The following CACNA1C variants were observed in gnomAD, a reference collection of about 807,000 sequenced individuals.
CACNA1C encodes the protein calcium voltage-gated channel subunit alpha1 C, also known as voltage-dependent L-type calcium channel subunit alpha-1C.
In CACNA1C, 30 loss-of-function variants were observed where a neutral mutation model predicts 229.0. That is an observed-to-expected ratio of 0.13 (90% CI 0.10 to 0.18). The LOEUF (loss-of-function observed/expected upper bound fraction) is 0.18, where lower values mean the gene tolerates loss of function less well. CACNA1C is among the 10% of genes least tolerant of loss of function. The pLI is 1.00. For synonymous variants in CACNA1C, 1,114 were observed against 1,132.5 expected (o/e 0.98, Z 0.33); for missense variants, 1,658 against 2,845.0 (o/e 0.58, Z 9.49).
chr12:2,227,544 C>T (rs191383108), intron 3 of CACNA1C, among the ~76,000 whole-genome samples: 3 of 152,244 alleles, frequency 2.0e-5, no homozygotes, highest in Admixed American at 1.3e-4. Context: ...ATGTCAGTTC[C>T]GTTTTTCTGT....
At position 2,137,967 on chromosome 12, in the gene CACNA1C, C is replaced by T. The variant is rs553190503; in HGVS notation, c.477+17537C>T. ...CAGGCGCCCCTGCCGGGAGCTCATG[C>T]GGGCCACTCCCTGTTTTCTCACTGG... is the stretch of plus-strand genomic sequence containing the variant. On this transcript the variant is annotated intron_variant, in intron 3 of 46. Coordinates refer to ENST00000399655, the MANE Select transcript of CACNA1C (RefSeq NM_000719.7). Among the ~76,000 whole-genome samples the T allele has an allele frequency of 3.3e-4, 50 of 151,578 alleles. 2 individuals carry two copies. The highest frequency in any genetic ancestry group is 1.1e-3 in the African/African-American group (47 of 41,526).
chr12:2,551,677 C>T (rs1034935), intron 10 of CACNA1C, among the ~76,000 whole-genome samples: 148,463 of 152,242 alleles, frequency 0.98, 72,493 homozygotes, highest in Middle Eastern at 1. Flanking sequence ...TTAAAAGTCT[C>T]ATGTAATGAG....
chr12:2,539,180 G>C (rs1036400896), intron 9 of CACNA1C, among the ~76,000 whole-genome samples: 3 of 152,210 alleles, frequency 2.0e-5, no homozygotes, highest in Admixed American at 6.5e-5. Context: ...CATGGAAACA[G>C]TAGGTACTCT....
At position 2,585,170 on chromosome 12, in the gene CACNA1C, G is replaced by T. The variant is rs571449911; in HGVS notation, c.2340-206G>T. Among the ~76,000 whole-genome samples the T allele has an allele frequency of 6.6e-6, 1 of 152,176 alleles. No homozygotes were observed. Among genetic ancestry groups the T allele is most frequent in the African/African-American group, 2.4e-5 (1 of 41,440 alleles). On this transcript the variant is annotated intron_variant, in intron 16 of 46. Transcript: ENST00000399655. This position sits in a 1 kb window ranked among gnomAD's most constrained non-coding sequence, Gnocchi z 4.1. ...TCTGGAGCTGCAAGAGGCCAATTGCGTGTCAGGCAGAGCAGGTGTAGCTCA... is the reference window on the plus strand; with the variant it reads ...TCTGGAGCTGCAAGAGGCCAATTGCTTGTCAGGCAGAGCAGGTGTAGCTCA...
At chr12:2,269,578 A>G (rs1158254353) in intron 3 of CACNA1C, among the ~76,000 whole-genome samples, 2 of 152,248 alleles carry the variant, frequency 1.3e-5, no homozygotes, top group Non-Finnish European at 2.9e-5. Flanking sequence ...CATGGAAGCC[A>G]GGAACCAGCT....
intron 3 of CACNA1C, among the ~76,000 whole-genome samples, chr12:2,339,606 A>G (rs1356682182): frequency 1.3e-5 from 2 of 152,194 alleles, no homozygotes; most frequent in Admixed American, 6.5e-5. Context: ...TATGTGATGT[A>G]TTCTATTAAA....
chr12:2,296,366 G>A (rs971791648), intron 3 of CACNA1C, among the ~76,000 whole-genome samples: 2 of 152,180 alleles, frequency 1.3e-5, no homozygotes, highest in Non-Finnish European at 2.9e-5. Context: ...CAAAAGACAG[G>A]TCATAGACAA....
At chr12:2,562,780 G>A (rs867892018) in intron 11 of CACNA1C, among the ~76,000 whole-genome samples, 2 of 152,198 alleles carry the variant, frequency 1.3e-5, no homozygotes, top group African/African-American at 2.4e-5. Flanking sequence ...TTTATGAGGT[G>A]CATGTGATGT....
rs1055884552 is a variant in CACNA1C at position 2,410,043 on chromosome 12, T to C, written c.478-38933T>C. On this transcript the variant is annotated intron_variant, in intron 3 of 46. Transcript: ENST00000399655. The surrounding 1 kb of genome is among the most constrained non-coding windows in gnomAD (Gnocchi z 5.3). ...GGAGAATTTTCGCTCGGGGTGGGAA[T>C]GAATCATCCTCACCTGCCAGCCGCG... 1.3e-5 allele frequency among the ~76,000 whole-genome samples: 2 copies of C among 152,178 alleles called. No individual in the cohort carries two copies. Among genetic ancestry groups the C allele is most frequent in the Non-Finnish European group, 2.9e-5 (2 of 68,032 alleles).
chr12:2,584,380 T>A (rs2061651284), intron 15 of CACNA1C, 123 bp from the exon 16 acceptor site: 1 of 660,398 alleles, frequency 1.5e-6, no homozygotes, highest in Non-Finnish European at 2.7e-6. Flanking sequence ...TCCCTCAAAT[T>A]GCTTCCCCCT....
chr12:2,095,113 G>T (rs2073273500), intron 1 of CACNA1C, among the ~76,000 whole-genome samples: 2 of 152,170 alleles, frequency 1.3e-5, no homozygotes, highest in Non-Finnish European at 2.9e-5. Flanking sequence ...TCCTGCTTTT[G>T]CTGTTAACCA....
intron 1 of CACNA1C, among the ~76,000 whole-genome samples, chr12:1,983,579 A>C (rs1222429746): frequency 3.9e-5 from 6 of 152,084 alleles, no homozygotes; most frequent in Admixed American, 2.0e-4. Flanking sequence ...TTGTGGTCCC[A>C]AGAATATACT....
At chr12:2,022,743 C>G (rs949630748) in intron 1 of CACNA1C, among the ~76,000 whole-genome samples, 11 of 152,152 alleles carry the variant, frequency 7.2e-5, no homozygotes, top group Admixed American at 1.3e-4. Context: ...CGTCACCCAG[C>G]CTTAACTCTT....
intron 3 of CACNA1C, among the ~76,000 whole-genome samples, chr12:2,193,976 C>T (rs919091137): frequency 6.6e-6 from 1 of 152,144 alleles, no homozygotes; most frequent in Non-Finnish European, 1.5e-5. Context: ...GTCCTGGCCA[C>T]TCCCATGTGA....
intron 3 of CACNA1C, among the ~76,000 whole-genome samples, chr12:2,265,328 C>T (rs1250701891): frequency 6.6e-6 from 1 of 152,196 alleles, no homozygotes; most frequent in Admixed American, 6.5e-5. Context: ...AGCATTTGTT[C>T]CACTCCTGTT....
intron 3 of CACNA1C, among the ~76,000 whole-genome samples, chr12:2,265,445 T>C (rs1159247445): frequency 6.6e-6 from 1 of 152,226 alleles, no homozygotes; most frequent in Non-Finnish European, 1.5e-5. Flanking sequence ...TGGTTTCCTC[T>C]ACTTCCACCT....
At chr12:2,549,791 G>C (rs1457412405) in intron 9 of CACNA1C, among the ~76,000 whole-genome samples, 152 bp from the exon 10 acceptor site, 1 of 152,200 alleles carries the variant, frequency 6.6e-6, no homozygotes, top group Non-Finnish European at 1.5e-5. Context: ...CCATCAAGGG[G>C]ATCTGTGCAG....
At chr12:2,094,145 C>G (rs1328234932) in intron 1 of CACNA1C, among the ~76,000 whole-genome samples, 2 of 152,202 alleles carry the variant, frequency 1.3e-5, no homozygotes, top group Non-Finnish European at 2.9e-5. Context: ...TGCCAAAGAG[C>G]CTGGTATTCA....
intron 1 of CACNA1C, among the ~76,000 whole-genome samples, chr12:2,070,830 T>C (rs981354683): frequency 1.3e-5 from 2 of 151,388 alleles, no homozygotes; most frequent in African/African-American, 4.9e-5. Context: ...CCTTCCTTTC[T>C]TTTTTTTTCT....
Sources: gnomAD v4.1 joint callset for allele counts (sites outside exome capture counted in the v4.1 genomes callset) on GRCh38, gnomAD v4.1.1 for gene constraint, Gnocchi (gnomAD v3.1) non-coding constraint, MANE v1.5 for transcripts, NCBI Gene and HGNC (gene_info 2026-07-23, HGNC 2026-07-21) for gene names.